TMEM108: variants seen among roughly 807,000 people sequenced by gnomAD.
TMEM108 encodes the protein cancer/testis antigen 124.
Under a neutral mutation model 35.1 loss-of-function variants are expected in TMEM108, and 12 were observed. The ratio of observed to expected loss-of-function variants is 0.34; its 90% CI spans 0.22 to 0.55. TMEM108 has a LOEUF of 0.55. TMEM108 is among the 20% of genes least tolerant of loss of function. The pLI is 0.89. For missense variants in TMEM108, 680 were observed against 753.3 expected, an observed-to-expected ratio of 0.90 and a Z score of 1.14; for synonymous variants, 287 against 308.6, an observed-to-expected ratio of 0.93 and a Z score of 0.73.
chr3:133,093,410 C>T (rs1033311641), intron 2 of TMEM108, among the ~76,000 whole-genome samples: 2 of 152,198 alleles, frequency 1.3e-5, no homozygotes, highest in East Asian at 1.9e-4. Context: ...GTAGGAGCTT[C>T]CTCCCACCTG....
rs1943335185 is a variant in TMEM108, at chr3:133,045,983, TAAGTGCGTTTG to T, written c.-80_-70del. 6.6e-6 allele frequency: 1 copy of T among 152,618 alleles called. No individual in the cohort carries two copies. The allele number at this position is 152,618 out of a possible 1,614,324, so 9.5% of individuals were successfully genotyped here. ...GCAGAGCCGATGGGTCATGAGGATG[TAAGTGCGTTTG>T]AAGGCTTCCACACCCTCTACTCCAG... On this transcript the variant is annotated 5_prime_UTR_variant, in exon 2 of 6. It removes the in-frame stop codon of an upstream open reading frame in the 5' UTR. Transcript: ENST00000321871.
chr3:133,334,797 T>A (rs2071460974), intron 3 of TMEM108, among the ~76,000 whole-genome samples: 1 of 152,244 alleles, frequency 6.6e-6, no homozygotes, highest in Admixed American at 6.5e-5. Context: ...ATTTTAGGCA[T>A]AACTGATACA....
At chr3:133,270,813 A>ACACACT (rs1553754879) in intron 3 of TMEM108, among the ~76,000 whole-genome samples, 3 of 150,706 alleles carry the variant, frequency 2.0e-5, no homozygotes, top group Admixed American at 6.6e-5. Flanking sequence ...ACACACACAC[A>ACACACT]CACACACTCA....
intron 3 of TMEM108, chr3:133,378,610 C>T (rs1389920721): frequency 1.1e-6 from 1 of 917,666 alleles, no homozygotes; most frequent in East Asian, 1.2e-4. Flanking sequence ...TAGAGACAGG[C>T]TCTTCCCAAC....
At chr3:133,120,941 T>C (rs1361367486) in intron 2 of TMEM108, 1 of 152,228 alleles carries the variant, frequency 6.6e-6, no homozygotes, top group Non-Finnish European at 1.5e-5. Flanking sequence ...AGGCAAACTC[T>C]TGCTCTTGTT....
chr3:133,255,117 T>C (rs947959983), intron 3 of TMEM108, among the ~76,000 whole-genome samples: 1 of 152,162 alleles, frequency 6.6e-6, no homozygotes, highest in South Asian at 2.1e-4. Context: ...ACTTCCACAA[T>C]ATTTTACTCA....
intron 2 of TMEM108, among the ~76,000 whole-genome samples, chr3:133,106,290 A>G (rs1458758181): frequency 2.0e-5 from 3 of 150,358 alleles, no homozygotes; most frequent in East Asian, 3.9e-4. Context: ...TAGTACTCAC[A>G]GTTCCTTTTT....
chr3:133,320,824 G>A (rs952144173), intron 3 of TMEM108, among the ~76,000 whole-genome samples: 4 of 152,112 alleles, frequency 2.6e-5, no homozygotes, highest in Non-Finnish European at 5.9e-5. Flanking sequence ...ACATTTCTCA[G>A]CAGAAACCCG....
intron 2 of TMEM108, among the ~76,000 whole-genome samples, chr3:133,083,237 T>C (rs1208161250): frequency 7.0e-6 from 1 of 141,946 alleles, no homozygotes; most frequent in African/African-American, 2.6e-5. Context: ...GATCCATCTG[T>C]ATCCTGTACA....
intron 3 of TMEM108, among the ~76,000 whole-genome samples, chr3:133,259,122 G>A (rs1946589171): frequency 6.6e-6 from 1 of 152,180 alleles, no homozygotes; most frequent in Non-Finnish European, 1.5e-5. Context: ...CCACCACTAA[G>A]TCAGAAGTCT....
intron 3 of TMEM108, among the ~76,000 whole-genome samples, chr3:133,331,421 A>G (rs1559906946): frequency 6.6e-6 from 1 of 152,230 alleles, no homozygotes; most frequent in Admixed American, 6.5e-5. Flanking sequence ...AAGCATTAGC[A>G]TCCTAATGGA....
At chr3:133,225,337 C>T (rs150504759) in intron 2 of TMEM108, among the ~76,000 whole-genome samples, 5,181 of 152,180 alleles carry the variant, frequency 0.034, 271 homozygotes, top group African/African-American at 0.11. Context: ...TAAGCCACCG[C>T]GCCCAGCCCC....
Position 133,379,984 on chromosome 3 carries a change from C to A in TMEM108, c.273C>A (p.His91Gln), listed in dbSNP as rs746780009. 1 of 1,613,982 alleles carries A rather than the reference C, an allele frequency of 6.2e-7. No homozygotes were observed. The highest frequency in any genetic ancestry group is 1.1e-5 in the South Asian group (1 of 91,072). ...MATPTPRAEGHPPTHTISTIA... is the reference protein window; with the variant it reads ...MATPTPRAEGQPPTHTISTIA... ...CACCGACACCCCGTGCAGAGGGGCA[C>A]CCTCCTACGCACACCATCTCCACCA... The change falls in exon 4 of 6, where the codon CAC becomes CAA. Residue 91 changes from histidine (H) to glutamine (Q), a missense_variant. By Grantham distance (24) the His-to-Gln change is conservative. Around this residue, in one of 3 missense-constraint regions of TMEM108, gnomAD observed 526 missense variants for 532.1 expected, o/e 0.99. Transcript: ENST00000321871.
intron 2 of TMEM108, among the ~76,000 whole-genome samples, chr3:133,057,672 T>C (rs1340863533): frequency 1.3e-5 from 2 of 151,954 alleles, no homozygotes; most frequent in Non-Finnish European, 2.9e-5. Flanking sequence ...GAGGGAAATA[T>C]ATAAAAGGCC....
chr3:133,382,224 T>C (rs1197309), intron 4 of TMEM108, among the ~76,000 whole-genome samples: 48,366 of 152,068 alleles, frequency 0.32, 8,316 homozygotes, highest in East Asian at 0.42. Flanking sequence ...CCCCGCTCCT[T>C]GGACAGCCCA....
chr3:133,126,760 T>G (rs1282362806), intron 2 of TMEM108, among the ~76,000 whole-genome samples: 1 of 152,160 alleles, frequency 6.6e-6, no homozygotes, highest in Non-Finnish European at 1.5e-5. Flanking sequence ...AATCTGTGGA[T>G]GCCCAAGTCC....
intron 2 of TMEM108, among the ~76,000 whole-genome samples, chr3:133,062,937 T>C (rs548795648): frequency 6.6e-6 from 1 of 152,278 alleles, no homozygotes; most frequent in East Asian, 1.9e-4. Flanking sequence ...TCAGCATGTA[T>C]GGAAGGGAGT....
chr3:133,200,788 G>A (rs1945651303), intron 2 of TMEM108, among the ~76,000 whole-genome samples: 1 of 152,102 alleles, frequency 6.6e-6, no homozygotes, highest in African/African-American at 2.4e-5. Context: ...TAACTATGTT[G>A]TCCAATATGG....
At chr3:133,237,439 C>T (rs1946254922) in intron 3 of TMEM108, among the ~76,000 whole-genome samples, 1 of 152,058 alleles carries the variant, frequency 6.6e-6, no homozygotes. Context: ...TGTTTATTGT[C>T]CTATTCTCAG....
Sources: allele counts gnomAD v4.1 joint callset (sites outside exome capture counted in the v4.1 genomes callset), GRCh38; gene constraint gnomAD v4.1.1; regional missense constraint gnomAD v4.1.1; transcripts MANE v1.5; gene names NCBI Gene and HGNC (gene_info 2026-07-23, HGNC 2026-07-21).